Variants in PTPRC observed in about 807,000 individuals in gnomAD.
PTPRC encodes the protein protein tyrosine phosphatase receptor type C.
In PTPRC, 44 loss-of-function variants were observed where a neutral mutation model predicts 155.9. That is an observed-to-expected ratio of 0.28 (90% CI 0.22 to 0.36). The LOEUF (loss-of-function observed/expected upper bound fraction) is 0.36. Ranked by LOEUF, PTPRC falls within the 10% of genes least tolerant of loss-of-function variation. The pLI is 1.00. For synonymous variants in PTPRC, 525 were observed against 533.1 expected (o/e 0.98, Z 0.21); for missense variants, 1,401 against 1,564.6 (o/e 0.90, Z 1.76).
chr1:198,755,747 T>G (rs1253703297), intron 32 of PTPRC, among the ~76,000 whole-genome samples, 159 bp from the exon 33 acceptor site: 1 of 152,080 alleles, frequency 6.6e-6, no homozygotes, highest in Non-Finnish European at 1.5e-5. Flanking sequence ...ATAAAGAAAC[T>G]AAATTATTTA....
chr1:198,677,395 T>C (rs1262623171), intron 2 of PTPRC, among the ~76,000 whole-genome samples: 1 of 152,188 alleles, frequency 6.6e-6, no homozygotes, highest in East Asian at 1.9e-4. Context: ...TACATCTTGC[T>C]TTTCAGCCAG....
rs1571901481 is a variant in PTPRC, at chr1:198,757,140, A to T, written c.*959A>T. On this transcript the variant is annotated 3_prime_UTR_variant, in exon 33 of 33. Coordinates refer to ENST00000442510, the MANE Select transcript of PTPRC (RefSeq NM_002838.5). Reference sequence around the variant, plus strand: ...TGATATGAAAAATATGATATTGCATATGCATAGTTCCCATGTTAAATCCCA... The same window carrying T: ...TGATATGAAAAATATGATATTGCATTTGCATAGTTCCCATGTTAAATCCCA... The T allele has an allele frequency of 6.6e-6, 1 of 151,878 alleles. No homozygotes were observed. The allele number at this position is 151,878 out of a possible 1,614,324, so 9.4% of individuals were successfully genotyped here. A position where few individuals can be genotyped will look rare whatever the true frequency, so the allele number is the denominator to read the frequency against.
At chr1:198,660,465 C>T (rs1193981221) in intron 2 of PTPRC, among the ~76,000 whole-genome samples, 2 of 133,508 alleles carry the variant, frequency 1.5e-5, no homozygotes, top group East Asian at 4.8e-4. Flanking sequence ...TTTACATAAA[C>T]ACACCCAAAT....
chr1:198,720,854 A>G lies in PTPRC; in HGVS notation c.1660-1562A>G, dbSNP rs564151475. On this transcript the variant is annotated intron_variant, in intron 14 of 32. Coordinates refer to ENST00000442510, the MANE Select transcript of PTPRC (RefSeq NM_002838.5). ...TTATTGTCACATCATTGTGTATTAT[A>G]CTTCATTCCCCACTGCTTCTCCAGT... Among the ~76,000 whole-genome samples, 3 of 152,242 alleles carry G rather than the reference A, an allele frequency of 2.0e-5. No homozygotes were observed. In the East Asian group the frequency reaches 5.8e-4, roughly 29 times the overall value.
intron 6 of PTPRC, among the ~76,000 whole-genome samples, 172 bp downstream of exon 6, chr1:198,702,702 T>C (rs1666525103): frequency 6.6e-6 from 1 of 152,228 alleles, no homozygotes; most frequent in African/African-American, 2.4e-5. Context: ...AGTAAGCTTT[T>C]TCTGGGCATA....
chr1:198,736,202 A>G (rs1407021785), intron 23 of PTPRC, among the ~76,000 whole-genome samples: 1 of 151,406 alleles, frequency 6.6e-6, no homozygotes, highest in Non-Finnish European at 1.5e-5. Context: ...ACCCAGTTAT[A>G]CTCTTTTGGT....
At chr1:198,642,357 A>AATCTATCTATCTGTCT (rs1354060611) in intron 2 of PTPRC, among the ~76,000 whole-genome samples, 1 of 103,154 alleles carries the variant, frequency 9.7e-6, no homozygotes, top group Non-Finnish European at 2.2e-5. Context: ...TATACTAGTC[A>AATCTATCTATCTGTCT]ATCTATCTAT....
intron 2 of PTPRC, among the ~76,000 whole-genome samples, chr1:198,642,907 C>CCTTTCTTT (rs550706909): frequency 8.5e-4 from 80 of 93,726 alleles, no homozygotes; most frequent in African/African-American, 1.9e-3. Context: ...TTTCTTTCTT[C>CCTTTCTTT]CTTTCTTTCT....
At chr1:198,754,599 T>C (rs1655543393) in intron 32 of PTPRC, 195 bp downstream of exon 32, 2 of 688,442 alleles carry the variant, frequency 2.9e-6, no homozygotes, top group Non-Finnish European at 4.7e-6. Context: ...TTATTATAAG[T>C]CTAAATAAGA....
At chr1:198,642,646 A>T (rs1341601638) in intron 2 of PTPRC, among the ~76,000 whole-genome samples, 2 of 151,940 alleles carry the variant, frequency 1.3e-5, no homozygotes, top group Admixed American at 6.6e-5. Context: ...TGACACCTCC[A>T]TTGCCATCAT....
At chr1:198,664,883 C>T (rs1664189070) in intron 2 of PTPRC, among the ~76,000 whole-genome samples, 1 of 152,096 alleles carries the variant, frequency 6.6e-6, no homozygotes, top group Non-Finnish European at 1.5e-5. Flanking sequence ...TTCTTTTTGA[C>T]TTTGTGATAC....
Position 198,756,057 on chromosome 1 carries a change from G to T in PTPRC, c.3797G>T (p.Gly1266Val). The T allele has an allele frequency of 6.2e-7, 1 of 1,613,510 alleles. No individual in the cohort carries two copies. The highest frequency in any genetic ancestry group is 8.5e-7 in the Non-Finnish European group (1 of 1,179,684). Residue 1266 changes from glycine (G) to valine (V), a missense_variant, in exon 33 of 33, where the codon GGT (glycine) becomes GTT (valine). This residue lies in a region of PTPRC where 400 missense variants were observed against 389.5 expected (regional missense o/e 1.03). Transcript: ENST00000442510. ...KQDANCVNPLGAPEKLPEAKE... is the reference protein window; with the variant it reads ...KQDANCVNPLVAPEKLPEAKE... ...GATGCTAATTGTGTTAATCCACTTG[G>T]TGCCCCAGAAAAGCTCCCTGAAGCA...
chr1:198,698,917 T>TTAAC (rs1666335096), intron 4 of PTPRC, among the ~76,000 whole-genome samples: 3 of 152,190 alleles, frequency 2.0e-5, no homozygotes, highest in Non-Finnish European at 4.4e-5. Context: ...CTCCAGGCTC[T>TTAAC]CAACATATGA....
chr1:198,707,323 A>G (rs577905782), intron 9 of PTPRC, among the ~76,000 whole-genome samples: 4 of 152,316 alleles, frequency 2.6e-5, no homozygotes, highest in Admixed American at 6.5e-5. Context: ...TATCTGAAAT[A>G]TATTAGGGAG....
intron 3 of PTPRC, 86 bp downstream of exon 3, chr1:198,692,459 C>A (rs1398923221): frequency 8.5e-7 from 1 of 1,173,208 alleles, no homozygotes; most frequent in Non-Finnish European, 1.1e-6. Flanking sequence ...ATTATTAACA[C>A]TGAAATTATT....
In PTPRC at chr1:198,756,683, A is replaced by T. The variant is rs957654003; in HGVS notation, c.*502A>T. 2 of 161,286 alleles carry T rather than the reference A, an allele frequency of 1.2e-5. No homozygotes were observed. Among genetic ancestry groups the T allele is most frequent in the African/African-American group, 4.8e-5 (2 of 41,390 alleles). The allele number at this position is 161,286 out of a possible 1,614,324, so 10.0% of individuals were successfully genotyped here. On this transcript the variant is annotated 3_prime_UTR_variant, in exon 33 of 33. Transcript: ENST00000442510. ...TGTCCTCCTTGTTCTACTCATATAT[A>T]TCTATCTTATATAGTTTACTATTTT... is the stretch of plus-strand genomic sequence containing the variant.
chr1:198,662,444 CTGTGTGTG>C (rs5779935), intron 2 of PTPRC, among the ~76,000 whole-genome samples: 26 of 131,240 alleles, frequency 2.0e-4, no homozygotes, highest in East Asian at 5.7e-4. Context: ...TTTCTGAGAG[CTGTGTGTG>C]TGTGTGTGTG....
intron 2 of PTPRC, among the ~76,000 whole-genome samples, chr1:198,669,148 G>C (rs1367806064): frequency 6.6e-6 from 1 of 152,162 alleles, no homozygotes; most frequent in Non-Finnish European, 1.5e-5. Flanking sequence ...AAATTACAAA[G>C]AAATATCTAA....
chr1:198,679,896 G>A, intron 2 of PTPRC: 1 of 615,848 alleles, frequency 1.6e-6, no homozygotes, highest in Non-Finnish European at 2.9e-6. Context: ...AAATGCTGGT[G>A]GGTCTGTTAA....
Sources: gnomAD v4.1 joint callset for allele counts (sites outside exome capture counted in the v4.1 genomes callset) on GRCh38, gnomAD v4.1.1 for gene constraint, gnomAD v4.1.1 regional missense constraint, MANE v1.5 for transcripts, NCBI Gene and HGNC (gene_info 2026-07-23, HGNC 2026-07-21) for gene names.